The following ADAMTSL1 variants were observed in gnomAD, a reference collection of about 807,000 sequenced individuals.
ADAMTSL1 encodes the protein ADAMTS like 1, also known as ADAMTS-like protein 1.
ADAMTSL1 carries 126 observed loss-of-function variants against 201.8 expected under a neutral mutation model. The observed-to-expected ratio is 0.62, with a 90% confidence interval of 0.54 to 0.72. The LOEUF is 0.72. ADAMTSL1 is among the 30% of genes least tolerant of loss of function. The probability of loss-of-function intolerance (pLI) is 0.00; values close to 1 mark genes in which losing one functional copy is unlikely to be tolerated. For missense variants in ADAMTSL1, 2,679 were observed against 2,277.8 expected (o/e 1.18, Z -3.59); for synonymous variants, 1,121 against 903.4 (o/e 1.24, Z -4.32).
chr9:18,136,877 C>T (rs10810908), intron 1 of ADAMTSL1, among the ~76,000 whole-genome samples: 58,842 of 151,758 alleles, frequency 0.39, 12,904 homozygotes, highest in South Asian at 0.49. Context: ...GTCACAGAGG[C>T]TAATGTGTGA....
At chr9:18,860,316 C>T (rs1211141166) in intron 23 of ADAMTSL1, among the ~76,000 whole-genome samples, 1 of 152,190 alleles carries the variant, frequency 6.6e-6, no homozygotes, top group Non-Finnish European at 1.5e-5. Flanking sequence ...ATCTCATACC[C>T]TCGACCAGGG....
intron 3 of ADAMTSL1, among the ~76,000 whole-genome samples, chr9:18,544,917 A>T (rs896480248): frequency 1.3e-5 from 2 of 152,202 alleles, no homozygotes; most frequent in Non-Finnish European, 2.9e-5. Context: ...AGAATTAAGA[A>T]TGAGACCATC....
chr9:18,497,850 A>G (rs1822609840), intron 1 of ADAMTSL1, among the ~76,000 whole-genome samples: 1 of 152,204 alleles, frequency 6.6e-6, no homozygotes, highest in Non-Finnish European at 1.5e-5. Flanking sequence ...TCCAGGCTTG[A>G]CCTTGGATAG....
At position 18,040,765 on chromosome 9, in the gene ADAMTSL1, G is replaced by GA. The variant is rs910442076; in HGVS notation, c.88-123087dup. 1.6e-3 allele frequency among the ~76,000 whole-genome samples: 233 copies of GA among 147,702 alleles called. No individual in the cohort carries two copies. In the East Asian group the frequency reaches 0.024, roughly 15 times the overall value. On this transcript the variant is annotated intron_variant, in intron 1 of 29. Coordinates refer to the ADAMTSL1 transcript ENST00000680146. ...TTTCTTTCTGGAAGCTAAGTGAAAT[G>GA]AAAAAAAAAATACTTTGGGAAGGTT... is the stretch of plus-strand genomic sequence containing the variant.
intron 2 of ADAMTSL1, among the ~76,000 whole-genome samples, chr9:18,348,206 T>C (rs1420156126): frequency 6.6e-6 from 1 of 152,218 alleles, no homozygotes; most frequent in East Asian, 1.9e-4. Flanking sequence ...TAATGAACTT[T>C]TAGTTAACTT....
At chr9:18,027,961 G>A (rs112427942) in intron 1 of ADAMTSL1, among the ~76,000 whole-genome samples, 3 of 152,030 alleles carry the variant, frequency 2.0e-5, no homozygotes, top group Non-Finnish European at 4.4e-5. Flanking sequence ...TTATCACTAT[G>A]TAATGACCTT....
At chr9:18,550,829 TA>T (rs541463112) in intron 3 of ADAMTSL1, among the ~76,000 whole-genome samples, 88 of 152,034 alleles carry the variant, frequency 5.8e-4, no homozygotes, top group African/African-American at 1.9e-3. Flanking sequence ...TGGGTTTTTT[TA>T]AAAAAACATA....
chr9:18,387,058 G>C (rs1837824572), intron 2 of ADAMTSL1, among the ~76,000 whole-genome samples: 1 of 151,800 alleles, frequency 6.6e-6, no homozygotes, highest in South Asian at 2.1e-4. Flanking sequence ...AATATTGTTA[G>C]GTGAATAAAT....
At chr9:18,644,396 T>A (rs1438560372) in intron 7 of ADAMTSL1, among the ~76,000 whole-genome samples, 1 of 151,912 alleles carries the variant, frequency 6.6e-6, no homozygotes, top group African/African-American at 2.4e-5. Context: ...TTTTTTTAAT[T>A]ATTATTATAC....
intron 2 of ADAMTSL1, among the ~76,000 whole-genome samples, chr9:18,466,867 G>A (rs915015166): frequency 1.3e-5 from 2 of 152,094 alleles, no homozygotes; most frequent in Non-Finnish European, 2.9e-5. Flanking sequence ...TATTTTAGGG[G>A]AAGAATACTC....
At chr9:18,242,952 A>T (rs1306715235) in intron 2 of ADAMTSL1, among the ~76,000 whole-genome samples, 20 of 152,172 alleles carry the variant, frequency 1.3e-4, no homozygotes, top group Non-Finnish European at 1.0e-4. Flanking sequence ...TGCAACATCT[A>T]TCAAAATCCT....
At chr9:18,248,427 G>A (rs1402860351) in intron 2 of ADAMTSL1, among the ~76,000 whole-genome samples, 1 of 152,120 alleles carries the variant, frequency 6.6e-6, no homozygotes, top group African/African-American at 2.4e-5. Flanking sequence ...GCCAGTTCAG[G>A]AGCCCATCCA....
At chr9:18,164,410 T>G (rs1002071066) in intron 2 of ADAMTSL1, among the ~76,000 whole-genome samples, 1 of 151,930 alleles carries the variant, frequency 6.6e-6, no homozygotes, top group African/African-American at 2.4e-5. Context: ...TTCAAAGTGC[T>G]AGTGATATTT....
rs142268198 is a variant in ADAMTSL1 at position 18,803,552 on chromosome 9, C to T, written c.3805+8028C>T. ...TAAACATCTTGGAAGGTCATTATTC[C>T]GCCCACCTGTCTGAAGGGCACAGCT... is the stretch of plus-strand genomic sequence containing the variant. On this transcript the variant is annotated intron_variant, in intron 20 of 28. Coordinates refer to ENST00000380548, the MANE Select transcript of ADAMTSL1 (RefSeq NM_001040272.6). Among the ~76,000 whole-genome samples the T allele has an allele frequency of 7.0e-3, 1,060 of 152,220 alleles. 3 individuals are homozygous for T. Among genetic ancestry groups the T allele is most frequent in the Non-Finnish European group, 8.7e-3 (591 of 68,008 alleles).
At chr9:18,417,250 A>C (rs1818716705) in intron 2 of ADAMTSL1, among the ~76,000 whole-genome samples, 1 of 151,840 alleles carries the variant, frequency 6.6e-6, no homozygotes, top group South Asian at 2.1e-4. Context: ...TGAGAGGGGG[A>C]ATTTATGGCA....
chr9:18,697,001 T>G (rs1200923321), intron 13 of ADAMTSL1, among the ~76,000 whole-genome samples: 3 of 151,586 alleles, frequency 2.0e-5, no homozygotes, highest in Non-Finnish European at 4.4e-5. Context: ...TGCCTCAGCC[T>G]CCCAAGTAGC....
At chr9:18,101,624 G>T (rs989346963) in intron 1 of ADAMTSL1, among the ~76,000 whole-genome samples, 28 of 152,200 alleles carry the variant, frequency 1.8e-4, no homozygotes, top group Non-Finnish European at 3.5e-4. Context: ...TCTCAGCAAA[G>T]GTCCTGGGAA....
intron 1 of ADAMTSL1, among the ~76,000 whole-genome samples, chr9:17,956,763 A>G (rs1563918437): frequency 6.6e-6 from 1 of 152,220 alleles, no homozygotes; most frequent in Non-Finnish European, 1.5e-5. Context: ...ATTTGCAGCC[A>G]TTGTTAATCT....
At chr9:18,662,519 C>T (rs1829166188) in intron 9 of ADAMTSL1, among the ~76,000 whole-genome samples, 1 of 152,178 alleles carries the variant, frequency 6.6e-6, no homozygotes, top group South Asian at 2.1e-4. Context: ...TCCCTTCTAG[C>T]CTGTCCACAC....
Sources: gnomAD v4.1 joint callset for allele counts (sites outside exome capture counted in the v4.1 genomes callset) on GRCh38, gnomAD v4.1.1 for gene constraint, MANE v1.5 for transcripts, NCBI Gene and HGNC (gene_info 2026-07-23, HGNC 2026-07-21) for gene names.